TGM1: variants seen among roughly 807,000 people sequenced by gnomAD.
TGM1 encodes protein-glutamine gamma-glutamyltransferase K.
Under a neutral mutation model 88.7 loss-of-function variants are expected in TGM1, and 63 were observed. The ratio of observed to expected loss-of-function variants is 0.71; its 90% confidence interval spans 0.58 to 0.88. TGM1 has a LOEUF of 0.88. Among genes scored for constraint, TGM1 ranks in the 40% least tolerant of loss-of-function variants. TGM1 has a pLI of 0.00. For synonymous variants in TGM1, 415 were observed against 431.1 expected, an observed-to-expected ratio of 0.96 and a Z score of 0.46; for missense variants, 996 against 1,118.0, an observed-to-expected ratio of 0.89 and a Z score of 1.56.
intron 14 of TGM1, among the ~76,000 whole-genome samples, chr14:24,250,361 T>A (rs1280151104): frequency 6.6e-6 from 1 of 152,164 alleles, no homozygotes; most frequent in Non-Finnish European, 1.5e-5. Flanking sequence ...TCTGTTCTGC[T>A]AACCACTCAG....
At position 24,259,326 on chromosome 14, in the gene TGM1, C is replaced by G; in HGVS notation, c.985-77G>C. 7.0e-7 allele frequency: 1 copy of G among 1,425,082 alleles called. No homozygotes were observed. Among genetic ancestry groups the G allele is most frequent in the Non-Finnish European group, 9.7e-7 (1 of 1,032,680 alleles). The allele number at this position is 1,425,082 out of a possible 1,614,324, so 88.3% of individuals were successfully genotyped here. ...TGCCATGTGGTCCATGGGGACCAGC[C>G]GGGCCCCGATCCTGCAACCACCCCT... On this transcript the variant is annotated intron_variant, in intron 6 of 14. Coordinates refer to ENST00000206765, the MANE Select transcript of TGM1 (RefSeq NM_000359.3). The surrounding 1 kb of genome is among the most constrained non-coding windows in gnomAD (Gnocchi z 5.7).
chr14:24,252,425 C>T (rs12435893), intron 14 of TGM1, among the ~76,000 whole-genome samples: 2 of 152,250 alleles, frequency 1.3e-5, no homozygotes, highest in Non-Finnish European at 2.9e-5. Context: ...GGTGGGGCTG[C>T]TGAGGCAAGT....
chr14:24,261,658 T>C (rs778996705), intron 3 of TGM1, 37 bp downstream of exon 3: 34 of 1,612,740 alleles, frequency 2.1e-5, no homozygotes, highest in African/African-American at 2.7e-5. Flanking sequence ...CCACCAAACA[T>C]AGGGCCTTCA....
In TGM1 at chr14:24,254,211, G is replaced by A. The variant is rs1215585619; in HGVS notation, c.2166C>T (p.Thr722=). 6.2e-7 allele frequency: 1 copy of A among 1,614,028 alleles called. No homozygotes were observed. Among genetic ancestry groups the A allele is most frequent in the Admixed American group, 1.7e-5 (1 of 59,998 alleles). Residue 722 remains threonine, a synonymous_variant, in exon 14 of 15, where the codon ACC becomes ACT. Coordinates refer to ENST00000206765, the MANE Select transcript of TGM1 (RefSeq NM_000359.3). The part of the protein sequence containing the change: ...VFKNPLPVTL[T]NVVFRLEGSG... ...AGCCTTCGAGCCGGAAGACGACATT[G>A]GTGAGGGTGACGGGAAGGGGGTTCT... is the stretch of plus-strand genomic sequence containing the variant.
rs1236682210 is a variant in TGM1, at chr14:24,259,045, G to A, written c.1159+30C>T. 5.6e-6 allele frequency: 9 copies of A among 1,612,680 alleles called. No homozygotes were observed. The highest frequency in any genetic ancestry group is 1.1e-5 in the South Asian group (1 of 90,972). ...TTCCTCCCTTCTCCCTGTAGGGCCC[G>A]GGCCACTCCTGTCCCAGTCCCTCCA... On this transcript the variant is annotated intron_variant, in intron 7 of 14. Transcript: ENST00000206765. This position sits in a 1 kb window ranked among gnomAD's most constrained non-coding sequence, Gnocchi z 5.7.
rs775319268 is a variant in TGM1 at position 24,260,601 on chromosome 14, C to T, written c.606G>A (p.Gly202=). 1.9e-6 allele frequency: 3 copies of T among 1,614,180 alleles called. No homozygotes were observed. Among genetic ancestry groups the T allele is most frequent in the Admixed American group, 3.3e-5 (2 of 60,018 alleles). Residue 202 remains glycine (G), a synonymous_variant, in exon 4 of 15, where the codon GGG becomes GGA. Transcript: ENST00000206765. ...TGTGGACCCGCAGGTTCAGATTCTG[C>T]CCACTGGCCTTGACCACCTGGGCTT... is the stretch of plus-strand genomic sequence containing the variant. ...GWKAQVVKAS[G]QNLNLRVHTS...
Position 24,262,292 on chromosome 14 carries a change from T to A in TGM1, c.61A>T (p.Thr21Ser), listed in dbSNP as rs140542428. 1 of 1,613,560 alleles carries A rather than the reference T, an allele frequency of 6.2e-7. No individual in the cohort carries two copies. The highest frequency in any genetic ancestry group is 1.1e-5 in the South Asian group (1 of 91,092). The change falls in exon 2 of 15, where the codon ACC becomes TCC. Residue 21 changes from threonine to serine, a missense_variant. Physicochemically the swap from Thr to Ser is moderately conservative, Grantham distance 58. Coordinates refer to ENST00000206765, the MANE Select transcript of TGM1 (RefSeq NM_000359.3). Reference protein sequence around the residue: ...RWGGNPLQPPTTPSPEPEPEP... With the variant: ...RWGGNPLQPPSTPSPEPEPEP... ...GGCTCTGGCTCTGGAGATGGCGTGG[T>A]AGGGGGCTGCAAGGGGTTGCCACCC...
At position 24,259,230 on chromosome 14, in the gene TGM1, T is replaced by G. The variant is rs1399553337; in HGVS notation, c.1004A>C (p.Asn335Thr). 6.2e-7 allele frequency: 1 copy of G among 1,613,428 alleles called. No homozygotes were observed. The highest frequency in any genetic ancestry group is 1.3e-5 in the African/African-American group (1 of 75,042). ...ISAMVNSLDD[N>T]GVLIGNWSGD... ...AGACCAGTTCCCAATCAGGACTCCA[T>G]TGTCATCCAGGGAGTTCACCTGCCC... The change falls in exon 7 of 15, where the codon AAT (asparagine) becomes ACT (threonine). Residue 335 changes from asparagine to threonine, a missense_variant. Physicochemically the swap from Asn to Thr is moderately conservative, Grantham distance 65. Transcript: ENST00000206765. This position sits in a 1 kb window ranked among gnomAD's most constrained non-coding sequence, Gnocchi z 5.7.
Position 24,259,890 on chromosome 14 carries a change from C to T in TGM1, c.876+50G>A. On this transcript the variant is annotated intron_variant, in intron 5 of 14. Coordinates refer to ENST00000206765, the MANE Select transcript of TGM1 (RefSeq NM_000359.3). The surrounding 1 kb of genome is among the most constrained non-coding windows in gnomAD (Gnocchi z 5.7). ...CTGCTCCAATACCCCAGCCCCCACA[C>T]CCACCCCAGCTCCTCTGGGTGTATG... 1.2e-6 allele frequency: 2 copies of T among 1,606,688 alleles called. No homozygotes were observed. Among genetic ancestry groups the T allele is most frequent in the East Asian group, 2.2e-5 (1 of 44,844 alleles).
At chr14:24,252,777 C>T (rs1292820397) in intron 14 of TGM1, among the ~76,000 whole-genome samples, 1 of 152,194 alleles carries the variant, frequency 6.6e-6, no homozygotes, top group East Asian at 1.9e-4. Context: ...CCTCAGTTTC[C>T]CCACCCCAAG....
Position 24,254,652 on chromosome 14 carries a change from A to C in TGM1, c.2088+12T>G. The C allele has an allele frequency of 6.2e-7, 1 of 1,613,638 alleles. No individual in the cohort carries two copies. The highest frequency in any genetic ancestry group is 8.5e-7 in the Non-Finnish European group (1 of 1,180,000). On this transcript the variant is annotated intron_variant, in intron 13 of 14. Coordinates refer to ENST00000206765, the MANE Select transcript of TGM1 (RefSeq NM_000359.3). Reference sequence around the variant, plus strand: ...TCTGACCACCCCTCATGCCCCAGCAAACTGCATTCACCGTGAGGGAGAGGT... The same window carrying C: ...TCTGACCACCCCTCATGCCCCAGCACACTGCATTCACCGTGAGGGAGAGGT...
In TGM1 at chr14:24,254,649, G is replaced by A; in HGVS notation, c.2088+15C>T. On this transcript the variant is annotated intron_variant, in intron 13 of 14. Coordinates refer to ENST00000206765, the MANE Select transcript of TGM1 (RefSeq NM_000359.3). Reference sequence around the variant, plus strand: ...CTCTCTGACCACCCCTCATGCCCCAGCAAACTGCATTCACCGTGAGGGAGA... The same window carrying A: ...CTCTCTGACCACCCCTCATGCCCCAACAAACTGCATTCACCGTGAGGGAGA... 1 of 1,613,620 alleles carries A rather than the reference G, an allele frequency of 6.2e-7. No individual in the cohort carries two copies. Among genetic ancestry groups the A allele is most frequent in the Non-Finnish European group, 8.5e-7 (1 of 1,180,014 alleles).
At position 24,254,818 on chromosome 14, in the gene TGM1, C is replaced by A; in HGVS notation, c.1934G>T (p.Arg645Leu). ...EVELAPGASD[R>L]VTMPVAYKEY... ...CTTGTAGGCCACTGGCATGGTCACA[C>A]GGTCCGCTGTGGAGAAGAGGCATGG... Residue 645 changes from arginine to leucine, a missense_variant, in exon 13 of 15, where the codon CGT becomes CTT. Physicochemically the swap from Arg to Leu is moderately radical, Grantham distance 102. Transcript: ENST00000206765. 1 of 1,613,806 alleles carries A rather than the reference C, an allele frequency of 6.2e-7. No homozygotes were observed. The highest frequency in any genetic ancestry group is 8.5e-7 in the Non-Finnish European group (1 of 1,180,032).
At chr14:24,260,872 A>G (rs1303025494) in intron 3 of TGM1, among the ~76,000 whole-genome samples, 174 bp from the exon 4 acceptor site, 2 of 152,088 alleles carry the variant, frequency 1.3e-5, no homozygotes, top group Admixed American at 1.3e-4. Context: ...TCTCCACCCA[A>G]TGCTTGCCCA....
intron 1 of TGM1, among the ~76,000 whole-genome samples, 192 bp from the exon 2 acceptor site, chr14:24,262,546 T>C (rs944067136): frequency 6.6e-6 from 1 of 152,204 alleles, no homozygotes; most frequent in Non-Finnish European, 1.5e-5. Flanking sequence ...AAGCTTCTCA[T>C]GCTGCAGAGA....
At chr14:24,251,131 G>C (rs1407224097) in intron 14 of TGM1, among the ~76,000 whole-genome samples, 2 of 152,216 alleles carry the variant, frequency 1.3e-5, no homozygotes, top group Non-Finnish European at 2.9e-5. Flanking sequence ...AAAAGGAGGA[G>C]TGGGATCTGA....
rs1594571770 is a variant in TGM1, at chr14:24,259,799, CCCCGTGG to C, written c.882_888del (p.Asp294GlufsTer34). On this transcript the variant is annotated frameshift_variant, in exon 6 of 15. Transcript: ENST00000206765. LOFTEE classifies it high-confidence loss of function. This position sits in a 1 kb window ranked among gnomAD's most constrained non-coding sequence, Gnocchi z 5.7. Reference sequence around the variant, plus strand: ...AGGATGTATAAGCAGGCATCCAGCACCCCGTGGTCAAACTGGAAGGAGGGATGGAGGG... The same window carrying C: ...AGGATGTATAAGCAGGCATCCAGCACTCAAACTGGAAGGAGGGATGGAGGG... 1.2e-6 allele frequency: 2 copies of C among 1,613,232 alleles called. No homozygotes were observed. The highest frequency in any genetic ancestry group is 1.7e-6 in the Non-Finnish European group (2 of 1,179,922).
At chr14:24,261,260 G>A (rs895139130) in intron 3 of TGM1, among the ~76,000 whole-genome samples, 1 of 152,186 alleles carries the variant, frequency 6.6e-6, no homozygotes, top group African/African-American at 2.4e-5. Context: ...CGCGGTAAGG[G>A]AGGCACCTGC....
At position 24,261,841 on chromosome 14, in the gene TGM1, C is replaced by A. The variant is rs763303938; in HGVS notation, c.362G>T (p.Arg121Leu). The change falls in exon 3 of 15, where the codon CGC (arginine) becomes CTC (leucine). Residue 121 changes from arginine to leucine, a missense_variant. Arg to Leu is a moderately radical substitution (Grantham distance 102). Transcript: ENST00000206765. The part of the protein sequence containing the change: ...VVNGVDLLSS[R>L]SDQNRREHHT... ...GTGCTCTCGGCGGTTCTGGTCCGAG[C>A]GCGAGCTCAGCAAGTCCACACCGTT... 2 of 1,613,880 alleles carry A rather than the reference C, an allele frequency of 1.2e-6. No homozygotes were observed. Among genetic ancestry groups the A allele is most frequent in the Admixed American group, 1.7e-5 (1 of 60,010 alleles).
Sources: gnomAD v4.1 joint callset for allele counts (sites outside exome capture counted in the v4.1 genomes callset) on GRCh38, gnomAD v4.1.1 for gene constraint, Gnocchi (gnomAD v3.1) non-coding constraint, MANE v1.5 for transcripts, NCBI Gene and HGNC (gene_info 2026-07-23, HGNC 2026-07-21) for gene names.